The following CKM variants were observed in gnomAD, a reference collection of about 807,000 sequenced individuals.
CKM encodes creatine kinase, M-type.
CKM carries 28 observed loss-of-function variants against 35.4 expected under a neutral mutation model. That is an observed-to-expected ratio of 0.79 (90% CI 0.59 to 1.08). CKM has a LOEUF of 1.08. Ranked by LOEUF, CKM falls within the 50% of genes least tolerant of loss-of-function variation. The pLI, the probability that CKM is intolerant of heterozygous loss-of-function variation, is 0.00. For missense variants in CKM, 484 were observed against 509.8 expected, an observed-to-expected ratio of 0.95 and a Z score of 0.49; for synonymous variants, 215 against 204.4, an observed-to-expected ratio of 1.05 and a Z score of -0.44.
chr19:45,309,555 CAAAAAAAAA>C (rs1157606063), intron 5 of CKM, among the ~76,000 whole-genome samples: 1 of 74,850 alleles, frequency 1.3e-5, no homozygotes, highest in Non-Finnish European at 2.6e-5. Context: ...GACCCTGTCT[CAAAAAAAAA>C]AAAAAAAAAA....
At chr19:45,316,776 T>A (rs1167418019) in intron 3 of CKM, among the ~76,000 whole-genome samples, 2 of 152,034 alleles carry the variant, frequency 1.3e-5, no homozygotes, top group African/African-American at 4.8e-5. Context: ...CCCACCCTTT[T>A]TTTTTTAGGC....
chr19:45,313,858 TC>T (rs1401299000), intron 4 of CKM, among the ~76,000 whole-genome samples: 3 of 151,906 alleles, frequency 2.0e-5, no homozygotes, highest in African/African-American at 7.3e-5. Context: ...AAAAAGAGAT[TC>T]TTTTCAAACT....
intron 6 of CKM, 66 bp downstream of exon 6, chr19:45,308,343 G>A: frequency 6.2e-7 from 1 of 1,600,726 alleles, no homozygotes; most frequent in Non-Finnish European, 8.6e-7. Context: ...AAGGGGCGGG[G>A]CCTCGGAAAG....
Position 45,308,421 on chromosome 19 carries a change from T to A in CKM, c.765A>T (p.Val255=), listed in dbSNP as rs1428183336. Residue 255 remains valine (V), a synonymous_variant, in exon 6 of 8, where the codon GTA becomes GTT. Coordinates refer to ENST00000221476, the MANE Select transcript of CKM (RefSeq NM_001824.5). ...NMKEVFRRFC[V]GLQKIEEIFK... ...GGCAGACACCCACCTTCTGCAGCCC[T>A]ACGCAGAAGCGGCGGAAAACCTCCT... 6.2e-7 allele frequency: 1 copy of A among 1,614,146 alleles called. No homozygotes were observed. Among genetic ancestry groups the A allele is most frequent in the Admixed American group, 1.7e-5 (1 of 60,010 alleles).
intron 2 of CKM, 21 bp from the exon 3 acceptor site, chr19:45,318,000 TCAGAGCTGCTTGTCCCCAGCAAA>T (rs758727666): frequency 3.0e-5 from 48 of 1,611,680 alleles, no homozygotes; most frequent in Non-Finnish European, 4.0e-5. Context: ...GGGGGTGAGG[TCAGAGCTGCTTGTCCCCAGCAAA>T]CAGGGCGTGG....
intron 3 of CKM, among the ~76,000 whole-genome samples, chr19:45,316,562 C>T (rs1012640232): frequency 6.6e-6 from 1 of 151,786 alleles, no homozygotes; most frequent in Non-Finnish European, 1.5e-5. Context: ...ACGTGATCCT[C>T]ACACCTCAGC....
chr19:45,316,032 TATAA>T (rs1971154944), intron 3 of CKM, among the ~76,000 whole-genome samples: 1 of 151,642 alleles, frequency 6.6e-6, no homozygotes, highest in African/African-American at 2.4e-5. Context: ...ATAAATTTTT[TATAA>T]ATAGAGACAG....
chr19:45,308,607 C>T (rs1180983284), intron 5 of CKM, 75 bp from the exon 6 acceptor site: 2 of 1,590,684 alleles, frequency 1.3e-6, no homozygotes, highest in East Asian at 2.3e-5. Context: ...TCCCCCAAAA[C>T]ATCTGCCCAC....
chr19:45,320,344 G>T (rs1409810330), intron 1 of CKM, among the ~76,000 whole-genome samples: 2 of 151,720 alleles, frequency 1.3e-5, no homozygotes, highest in African/African-American at 4.8e-5. Context: ...TGATCCACCC[G>T]CCTCGGCCTC....
chr19:45,312,563 CA>C (rs566704903), intron 4 of CKM, among the ~76,000 whole-genome samples: 104 of 151,956 alleles, frequency 6.8e-4, no homozygotes, highest in African/African-American at 2.5e-3. Flanking sequence ...CCTGGGATTA[CA>C]GGCATGCGCC....
At chr19:45,317,514 C>T (rs1478273815) in intron 3 of CKM, among the ~76,000 whole-genome samples, 1 of 151,872 alleles carries the variant, frequency 6.6e-6, no homozygotes, top group Admixed American at 6.6e-5. Flanking sequence ...CTCAAACTCT[C>T]AATCTAAGGT....
chr19:45,322,709 G>T, intron 1 of CKM, 112 bp downstream of exon 1: 1 of 599,560 alleles, frequency 1.7e-6, no homozygotes, highest in Non-Finnish European at 2.1e-6. Context: ...TTGTATAGGA[G>T]GATGTTGGTG....
intron 5 of CKM, among the ~76,000 whole-genome samples, chr19:45,310,740 T>A (rs1296932862): frequency 2.1e-5 from 3 of 143,880 alleles, no homozygotes; most frequent in Admixed American, 1.4e-4. Context: ...GGACCACAGG[T>A]ATACGCCATC....
intron 2 of CKM, 88 bp downstream of exon 2, chr19:45,319,433 C>G (rs1404269456): frequency 3.9e-6 from 4 of 1,017,262 alleles, no homozygotes; most frequent in Non-Finnish European, 6.1e-6. Flanking sequence ...GAGGCCCCCC[C>G]CCCTTCAAGG....
In CKM at chr19:45,319,662, C is replaced by G. The variant is rs766933334; in HGVS notation, c.52G>C (p.Glu18Gln). The part of the protein sequence containing the change: ...NKFKLNYKPE[E>Q]EYPDLSKHNN... ...TGTTTGCTGAGGTCGGGGTACTCCT[C>G]CTCAGGCTTGTAATTCAGCTTGAAC... The change falls in exon 2 of 8, where the codon GAG becomes CAG. Residue 18 changes from glutamate to glutamine, a missense_variant. Coordinates refer to ENST00000221476, the MANE Select transcript of CKM (RefSeq NM_001824.5). 4 of 1,614,212 alleles carry G rather than the reference C, an allele frequency of 2.5e-6. No homozygotes were observed. The highest frequency in any genetic ancestry group is 2.2e-5 in the East Asian group (1 of 44,884).
Position 45,306,987 on chromosome 19 carries a change from G to T in CKM, c.968-59C>A. On this transcript the variant is annotated intron_variant, in intron 7 of 7. Coordinates refer to ENST00000221476, the MANE Select transcript of CKM (RefSeq NM_001824.5). The surrounding 1 kb of genome is among the most constrained non-coding windows in gnomAD (Gnocchi z 4.5). The stretch of plus-strand genomic sequence containing the variant: ...AGCGAAGGTGCAGAGGGGCTGGGAC[G>T]TGGCCCCCGTGCCAAATGCAACAGC... 6.4e-7 allele frequency: 1 copy of T among 1,568,528 alleles called. No individual in the cohort carries two copies. The highest frequency in any genetic ancestry group is 1.7e-5 in the Admixed American group (1 of 59,910).
chr19:45,308,566 G>A (rs759542321), intron 5 of CKM, 34 bp from the exon 6 acceptor site: 1 of 1,613,418 alleles, frequency 6.2e-7, no homozygotes, highest in Non-Finnish European at 8.5e-7. Flanking sequence ...AGGCCAAGGT[G>A]TCAGCCCCGT....
At chr19:45,314,084 G>A (rs1031487072) in intron 4 of CKM, among the ~76,000 whole-genome samples, 1 of 149,328 alleles carries the variant, frequency 6.7e-6, no homozygotes, top group African/African-American at 2.5e-5. Flanking sequence ...AGGAAAGAAG[G>A]AAGGAAGGAA....
intron 2 of CKM, among the ~76,000 whole-genome samples, chr19:45,319,150 C>A (rs1971187026): frequency 6.6e-6 from 1 of 152,174 alleles, no homozygotes; most frequent in Non-Finnish European, 1.5e-5. Flanking sequence ...AGCCACTGCA[C>A]CTGGCCCCCC....
Sources: allele counts gnomAD v4.1 joint callset (sites outside exome capture counted in the v4.1 genomes callset), GRCh38; gene constraint gnomAD v4.1.1; non-coding constraint Gnocchi (gnomAD v3.1); transcripts MANE v1.5; gene names NCBI Gene and HGNC (gene_info 2026-07-23, HGNC 2026-07-21).